The following GRIA4 variants were observed in gnomAD, a reference collection of about 807,000 sequenced individuals.
GRIA4 encodes the protein glutamate ionotropic receptor AMPA type subunit 4.
Under a neutral mutation model 104.0 loss-of-function variants are expected in GRIA4, and 34 were observed. The observed-to-expected ratio is 0.33, with a 90% CI of 0.25 to 0.44. The LOEUF is 0.44. GRIA4 is among the 20% of genes least tolerant of loss of function. The probability of loss-of-function intolerance (pLI) is 1.00; values close to 1 mark genes in which losing one functional copy is unlikely to be tolerated. For missense variants in GRIA4, 750 were observed against 1,096.5 expected (o/e 0.68, Z 4.46); for synonymous variants, 386 against 381.9 (o/e 1.01, Z -0.13).
At chr11:105,940,374 C>A (rs979703344) in intron 14 of GRIA4, among the ~76,000 whole-genome samples, 8 of 151,912 alleles carry the variant, frequency 5.3e-5, no homozygotes, top group Admixed American at 3.9e-4. Context: ...CAGAGAAAGA[C>A]CCTGTCTCAA....
rs1555085939 is a variant in GRIA4 at position 105,634,533 on chromosome 11, G to GAAAGAAAGAA, written c.247+22106_247+22107insGAAAAAGAAA. On this transcript the variant is annotated intron_variant, in intron 3 of 16. Coordinates refer to ENST00000282499, the MANE Select transcript of GRIA4 (RefSeq NM_000829.4). ...AGAAAGAAGAAAGAAAGAAAGAAAA[G>GAAAGAAAGAA]AAAGAAAAAGAAAAAGAAAAACTTG... Among the ~76,000 whole-genome samples the GAAAGAAAGAA allele has an allele frequency of 2.2e-4, 24 of 111,400 alleles. 1 individual carries two copies. The highest frequency in any genetic ancestry group is 7.0e-4 in the African/African-American group (24 of 34,498). 73.1% of individuals were successfully genotyped at this position (111,400 alleles called of 152,430 possible).
chr11:105,845,108 T>G (rs952620097), intron 4 of GRIA4, among the ~76,000 whole-genome samples: 6 of 152,228 alleles, frequency 3.9e-5, no homozygotes, highest in South Asian at 2.1e-4. Context: ...TGGGCTTAGC[T>G]ACTTGATTCT....
At chr11:105,722,308 A>G (rs897834811) in intron 3 of GRIA4, among the ~76,000 whole-genome samples, 1 of 152,162 alleles carries the variant, frequency 6.6e-6, no homozygotes, top group Non-Finnish European at 1.5e-5. Context: ...ATTGTTATGT[A>G]GGCTCATTGT....
chr11:105,724,496 G>A (rs1358248743), intron 3 of GRIA4, among the ~76,000 whole-genome samples: 2 of 151,944 alleles, frequency 1.3e-5, no homozygotes, highest in Non-Finnish European at 2.9e-5. Context: ...CAATATGGAT[G>A]GAAGTGGAGA....
At chr11:105,897,764 T>C (rs11226875) in intron 6 of GRIA4, among the ~76,000 whole-genome samples, 30,543 of 152,146 alleles carry the variant, frequency 0.2, 3,328 homozygotes, top group South Asian at 0.25. Context: ...AAAACCTACT[T>C]GATCACAGTG....
At chr11:105,681,344 T>C (rs1952704462) in intron 3 of GRIA4, among the ~76,000 whole-genome samples, 1 of 152,234 alleles carries the variant, frequency 6.6e-6, no homozygotes, top group Non-Finnish European at 1.5e-5. Flanking sequence ...ATTTGTTTAC[T>C]GTTTTCTGAA....
chr11:105,837,770 A>G (rs1461843949), intron 4 of GRIA4, among the ~76,000 whole-genome samples: 1 of 152,108 alleles, frequency 6.6e-6, no homozygotes, highest in Non-Finnish European at 1.5e-5. Flanking sequence ...TATTATATTT[A>G]TTGTTTTTAT....
intron 3 of GRIA4, among the ~76,000 whole-genome samples, chr11:105,746,186 T>C (rs1210740613): frequency 6.6e-6 from 1 of 152,042 alleles, no homozygotes; most frequent in Non-Finnish European, 1.5e-5. Context: ...ATTATTACAA[T>C]ATCCTAGTTA....
At chr11:105,826,329 T>A (rs957931555) in intron 4 of GRIA4, among the ~76,000 whole-genome samples, 1 of 152,124 alleles carries the variant, frequency 6.6e-6, no homozygotes, top group South Asian at 2.1e-4. Context: ...TCATTCCCCA[T>A]GGGACACCTG....
At chr11:105,622,270 C>A (rs1950767407) in intron 3 of GRIA4, among the ~76,000 whole-genome samples, 1 of 151,654 alleles carries the variant, frequency 6.6e-6, no homozygotes, top group Non-Finnish European at 1.5e-5. Flanking sequence ...TTTTTTCTAG[C>A]ATTTTTATAA....
chr11:105,979,862 C>G lies in GRIA4; in HGVS notation c.*123C>G. The stretch of plus-strand genomic sequence containing the variant: ...ATCCTTTGGCTGAGAGCGGGAAGTC[C>G]GTCCTAACGCGCTGGCCGGACATCA... On this transcript the variant is annotated 3_prime_UTR_variant, in exon 17 of 17. Coordinates refer to ENST00000282499, the MANE Select transcript of GRIA4 (RefSeq NM_000829.4). 2 of 648,830 alleles carry G rather than the reference C, an allele frequency of 3.1e-6. No individual in the cohort carries two copies. Among genetic ancestry groups the G allele is most frequent in the South Asian group, 4.1e-5 (2 of 48,814 alleles). The allele number at this position is 648,830 out of a possible 1,614,324, so 40.2% of individuals were successfully genotyped here.
At chr11:105,954,663 A>G (rs1948538233) in intron 14 of GRIA4, among the ~76,000 whole-genome samples, 1 of 152,000 alleles carries the variant, frequency 6.6e-6, no homozygotes, top group South Asian at 2.1e-4. Flanking sequence ...CCCTCTTGCC[A>G]TTGAAATTTT....
At chr11:105,750,020 T>C (rs975018793) in intron 3 of GRIA4, among the ~76,000 whole-genome samples, 3 of 152,190 alleles carry the variant, frequency 2.0e-5, no homozygotes, top group African/African-American at 7.2e-5. Flanking sequence ...CAGCTTAGTT[T>C]ACTTTCATTA....
At chr11:105,655,360 T>G (rs1051278939) in intron 3 of GRIA4, among the ~76,000 whole-genome samples, 3 of 152,110 alleles carry the variant, frequency 2.0e-5, no homozygotes, top group African/African-American at 7.2e-5. Flanking sequence ...AAATTATACT[T>G]TAAGTAATGG....
At chr11:105,712,113 T>A (rs1045818557) in intron 3 of GRIA4, among the ~76,000 whole-genome samples, 1 of 152,090 alleles carries the variant, frequency 6.6e-6, no homozygotes, top group East Asian at 1.9e-4. Context: ...TATATAGATA[T>A]ATGAAATTGT....
intron 4 of GRIA4, among the ~76,000 whole-genome samples, chr11:105,848,627 C>T (rs1487025977): frequency 1.3e-5 from 2 of 152,128 alleles, no homozygotes; most frequent in Non-Finnish European, 2.9e-5. Context: ...CAGTTAGTTG[C>T]TATCCTGGTG....
chr11:105,623,646 T>C (rs2135282023), intron 3 of GRIA4, among the ~76,000 whole-genome samples: 2 of 152,176 alleles, frequency 1.3e-5, no homozygotes, highest in South Asian at 4.1e-4. Context: ...TTTCTGAACT[T>C]TTAAGACTCA....
chr11:105,719,014 A>G (rs764788325), intron 3 of GRIA4, among the ~76,000 whole-genome samples: 1 of 152,124 alleles, frequency 6.6e-6, no homozygotes, highest in Non-Finnish European at 1.5e-5. Flanking sequence ...CGAAGCACTT[A>G]TTCTTAAAAA....
intron 4 of GRIA4, among the ~76,000 whole-genome samples, chr11:105,763,517 C>T (rs1475124127): frequency 1.3e-5 from 2 of 151,824 alleles, no homozygotes; most frequent in Non-Finnish European, 2.9e-5. Context: ...TTGTTTTTTT[C>T]CTTCATATGA....
Sources: gnomAD v4.1 joint callset for allele counts (sites outside exome capture counted in the v4.1 genomes callset) on GRCh38, gnomAD v4.1.1 for gene constraint, MANE v1.5 for transcripts, NCBI Gene and HGNC (gene_info 2026-07-23, HGNC 2026-07-21) for gene names.